Variants in TEK observed in about 807,000 individuals in gnomAD.
TEK encodes TEK receptor tyrosine kinase.
Under a neutral mutation model 131.8 loss-of-function variants are expected in TEK, and 43 were observed. The ratio of observed to expected loss-of-function variants is 0.33; its 90% CI spans 0.26 to 0.42. TEK has a LOEUF of 0.42. Ranked by LOEUF, TEK falls within the 10% of genes least tolerant of loss-of-function variation. The pLI is 1.00. For synonymous variants in TEK, 580 were observed against 491.6 expected (o/e 1.18, Z -2.38); for missense variants, 1,162 against 1,384.4 (o/e 0.84, Z 2.55).
rs1250059591 is a variant in TEK, at chr9:27,197,219, C to A, written c.1625-96C>A. On this transcript the variant is annotated intron_variant, in intron 11 of 22. Coordinates refer to ENST00000380036, the MANE Select transcript of TEK (RefSeq NM_000459.5). Reference sequence around the variant, plus strand: ...CTCCCACCAGGCCCCACCTCCAACACTGGGGATTACATTTCAGTATGAGAT... The same window carrying A: ...CTCCCACCAGGCCCCACCTCCAACAATGGGGATTACATTTCAGTATGAGAT... The A allele has an allele frequency of 2.2e-6, 3 of 1,383,102 alleles. No homozygotes were observed. In the African/African-American group the frequency reaches 4.3e-5, roughly 20 times the overall value. The allele number at this position is 1,383,102 out of a possible 1,614,324, so 85.7% of individuals were successfully genotyped here.
intron 1 of TEK, among the ~76,000 whole-genome samples, chr9:27,135,270 C>T (rs1258512827): frequency 1.3e-5 from 2 of 150,294 alleles, no homozygotes; most frequent in African/African-American, 2.5e-5. Context: ...TATTTTTGAG[C>T]TGGTTGGCAT....
intron 1 of TEK, among the ~76,000 whole-genome samples, chr9:27,155,123 GA>G (rs1377515904): frequency 6.6e-6 from 1 of 152,158 alleles, no homozygotes; most frequent in Non-Finnish European, 1.5e-5. Context: ...CCTTCCTCTT[GA>G]TGACTCTTTC....
At chr9:27,143,136 T>C (rs1822789622) in intron 1 of TEK, among the ~76,000 whole-genome samples, 1 of 152,134 alleles carries the variant, frequency 6.6e-6, no homozygotes, top group South Asian at 2.1e-4. Context: ...ACAGGAAGCA[T>C]GGTGTTATCT....
intron 1 of TEK, among the ~76,000 whole-genome samples, chr9:27,156,470 G>C (rs1412881914): frequency 1.3e-5 from 2 of 151,966 alleles, no homozygotes; most frequent in South Asian, 4.2e-4. Flanking sequence ...TGAGAAAGTG[G>C]CACTTAAGCT....
At chr9:27,138,444 TTAGC>T (rs1822587807) in intron 1 of TEK, among the ~76,000 whole-genome samples, 1 of 152,120 alleles carries the variant, frequency 6.6e-6, no homozygotes, top group African/African-American at 2.4e-5. Flanking sequence ...TTACAATCCT[TTAGC>T]TAGACACAGA....
chr9:27,218,942 A>T (rs1825933094), intron 20 of TEK, 125 bp downstream of exon 20: 5 of 949,218 alleles, frequency 5.3e-6, no homozygotes, highest in Non-Finnish European at 8.5e-6. Flanking sequence ...TGTGACTTGG[A>T]AATAGAAACA....
At chr9:27,206,858 A>T (rs2131215356) in intron 15 of TEK, 66 bp downstream of exon 15, 1 of 1,550,740 alleles carries the variant, frequency 6.4e-7, no homozygotes, top group Middle Eastern at 2.1e-4. Flanking sequence ...TTTCCTGCTC[A>T]TTCTTTCCTC....
chr9:27,158,905 C>T (rs1037399928), intron 2 of TEK, among the ~76,000 whole-genome samples: 3 of 152,146 alleles, frequency 2.0e-5, no homozygotes, highest in African/African-American at 7.2e-5. Flanking sequence ...GTGATCTGCC[C>T]GCCATGGCCT....
At chr9:27,164,276 C>T (rs977107596) in intron 2 of TEK, among the ~76,000 whole-genome samples, 10 of 151,374 alleles carry the variant, frequency 6.6e-5, no homozygotes, top group East Asian at 3.9e-4. Context: ...GTTGGAGTCT[C>T]GCTCTGTTGC....
intron 17 of TEK, 94 bp downstream of exon 17, chr9:27,212,991 C>G (rs1564102552): frequency 1.6e-5 from 21 of 1,318,726 alleles, no homozygotes; most frequent in Admixed American, 2.0e-5. Context: ...AACCTCTCTT[C>G]TTTAACTCCT....
intron 1 of TEK, among the ~76,000 whole-genome samples, chr9:27,155,966 C>T (rs1823317414): frequency 6.6e-6 from 1 of 152,158 alleles, no homozygotes; most frequent in South Asian, 2.1e-4. Context: ...CCACACCCAG[C>T]TAATTTTTGT....
intron 1 of TEK, among the ~76,000 whole-genome samples, chr9:27,136,593 A>G (rs553034352): frequency 3.9e-5 from 6 of 152,310 alleles, no homozygotes; most frequent in Non-Finnish European, 7.3e-5. Context: ...AATCATAAAT[A>G]CAGAGACACG....
intron 1 of TEK, among the ~76,000 whole-genome samples, chr9:27,112,904 C>T (rs1486191388): frequency 1.3e-5 from 2 of 152,172 alleles, no homozygotes. Context: ...GTGAATGACA[C>T]CTAGGTTTTG....
Position 27,202,936 on chromosome 9 carries a change from G to T in TEK, c.2026G>T (p.Val676Phe). ...SISSITIRYK[V>F]QGKNEDQHVD... ...TTCTTCTATTACTATCCGTTACAAG[G>T]TTCAAGGCAAGAATGAAGACCAGCA... is the stretch of plus-strand genomic sequence containing the variant. The change falls in exon 13 of 23, where the codon GTT becomes TTT. Residue 676 changes from valine to phenylalanine, a missense_variant. Val to Phe is a conservative substitution (Grantham distance 50). Around this residue, in one of 6 missense-constraint regions of TEK, gnomAD observed 477 missense variants for 471.0 expected, o/e 1.01. Transcript: ENST00000380036. 6.2e-7 allele frequency: 1 copy of T among 1,614,092 alleles called. No individual in the cohort carries two copies. The highest frequency in any genetic ancestry group is 2.2e-5 in the East Asian group (1 of 44,866).
At chr9:27,135,869 T>G (rs1028455311) in intron 1 of TEK, among the ~76,000 whole-genome samples, 1 of 152,148 alleles carries the variant, frequency 6.6e-6, no homozygotes, top group African/African-American at 2.4e-5. Context: ...GGTGCTAATA[T>G]AAATTCCAAG....
chr9:27,136,487 T>C (rs1822442955), intron 1 of TEK, among the ~76,000 whole-genome samples: 1 of 152,216 alleles, frequency 6.6e-6, no homozygotes, highest in Admixed American at 6.5e-5. Flanking sequence ...TCAACCCAGA[T>C]GTGCAGCTCA....
chr9:27,181,095 A>C (rs960340885), intron 7 of TEK, among the ~76,000 whole-genome samples: 1 of 152,086 alleles, frequency 6.6e-6, no homozygotes, highest in African/African-American at 2.4e-5. Context: ...AGTTGACCTT[A>C]AACAACATGG....
At chr9:27,227,776 G>C (rs570867500) in intron 21 of TEK, among the ~76,000 whole-genome samples, 2 of 152,254 alleles carry the variant, frequency 1.3e-5, no homozygotes, top group African/African-American at 4.8e-5. Flanking sequence ...CATAGCACCT[G>C]GTTAAACAGG....
At position 27,219,422 on chromosome 9, in the gene TEK, G is replaced by A. The variant is rs1341300829; in HGVS notation, c.3103+605G>A. On this transcript the variant is annotated intron_variant, in intron 20 of 22. Coordinates refer to ENST00000380036, the MANE Select transcript of TEK (RefSeq NM_000459.5). ...AAACACCACATGTTGTCACTCATAA[G>A]TGGGGGTTGAACAATGGGAACACAT... Among the ~76,000 whole-genome samples, 4 of 152,142 alleles carry A rather than the reference G, an allele frequency of 2.6e-5. No individual in the cohort carries two copies. In the East Asian group the frequency reaches 5.8e-4, roughly 22 times the overall value.
Sources: allele counts gnomAD v4.1 joint callset (sites outside exome capture counted in the v4.1 genomes callset), GRCh38; gene constraint gnomAD v4.1.1; regional missense constraint gnomAD v4.1.1; transcripts MANE v1.5; gene names NCBI Gene and HGNC (gene_info 2026-07-23, HGNC 2026-07-21).